The following PRMT8 variants were observed in gnomAD, a reference collection of about 807,000 sequenced individuals.
The protein encoded by PRMT8 is protein arginine N-methyltransferase 8.
PRMT8 carries 7 observed loss-of-function variants against 47.1 expected under a neutral mutation model. The ratio of observed to expected loss-of-function variants is 0.15; its 90% confidence interval spans 0.08 to 0.28. PRMT8 has a LOEUF of 0.28. Ranked by LOEUF, PRMT8 falls within the 10% of genes least tolerant of loss-of-function variation. The probability of loss-of-function intolerance (pLI) is 1.00; values close to 1 mark genes in which losing one functional copy is unlikely to be tolerated. For synonymous variants in PRMT8, 188 were observed against 186.5 expected, an observed-to-expected ratio of 1.01 and a Z score of -0.07; for missense variants, 237 against 505.4, an observed-to-expected ratio of 0.47 and a Z score of 5.09.
chr12:3,429,086 G>A (rs1413194553), intron 1 of PRMT8, among the ~76,000 whole-genome samples: 3 of 151,798 alleles, frequency 2.0e-5, no homozygotes, highest in Admixed American at 2.0e-4. Context: ...GTCTCTGCTG[G>A]TCTTTCCTTG....
intron 1 of PRMT8, among the ~76,000 whole-genome samples, chr12:3,404,874 A>G (rs1864356583): frequency 6.6e-6 from 1 of 152,188 alleles, no homozygotes. Flanking sequence ...TGAATTGACC[A>G]CTTTATGATT....
intron 1 of PRMT8, among the ~76,000 whole-genome samples, chr12:3,504,996 C>G (rs867278105): frequency 3.2e-5 from 4 of 123,568 alleles, no homozygotes; most frequent in South Asian, 3.2e-4. Context: ...TTCTTTGACT[C>G]GGAAAGGGAA....
At chr12:3,397,224 C>T (rs1864259808) in intron 1 of PRMT8, among the ~76,000 whole-genome samples, 1 of 151,980 alleles carries the variant, frequency 6.6e-6, no homozygotes, top group Non-Finnish European at 1.5e-5. Context: ...CAAAGTCATT[C>T]TCCGTCCAGC....
intron 1 of PRMT8, among the ~76,000 whole-genome samples, chr12:3,465,129 A>ATAT (rs71061116): frequency 0.013 from 724 of 55,320 alleles, 5 homozygotes; most frequent in Admixed American, 0.017. Context: ...TCTCAAAAAA[A>ATAT]ATATATATAT....
intron 2 of PRMT8, among the ~76,000 whole-genome samples, chr12:3,543,834 G>A (rs149038220): frequency 1.1e-3 from 163 of 152,324 alleles, no homozygotes; most frequent in Admixed American, 2.5e-3. Flanking sequence ...GAAGATGTGT[G>A]CTTCCTGAGG....
At chr12:3,553,967 A>G (rs960732188) in intron 4 of PRMT8, among the ~76,000 whole-genome samples, 1 of 152,180 alleles carries the variant, frequency 6.6e-6, no homozygotes, top group Non-Finnish European at 1.5e-5. Flanking sequence ...CCGAGTTGCC[A>G]GACCCTTTGC....
At chr12:3,455,194 C>G (rs972921168) in intron 1 of PRMT8, among the ~76,000 whole-genome samples, 1 of 152,164 alleles carries the variant, frequency 6.6e-6, no homozygotes, top group African/African-American at 2.4e-5. Flanking sequence ...GTGCGGTGGG[C>G]ATAACTGGTC....
At chr12:3,400,376 A>C (rs1229912574) in intron 1 of PRMT8, among the ~76,000 whole-genome samples, 1 of 152,204 alleles carries the variant, frequency 6.6e-6, no homozygotes, top group Non-Finnish European at 1.5e-5. Flanking sequence ...AGAAAATATA[A>C]ATACCTCTAT....
intron 1 of PRMT8, among the ~76,000 whole-genome samples, chr12:3,397,562 G>T: frequency 1.3e-5 from 2 of 151,520 alleles, no homozygotes; most frequent in Non-Finnish European, 2.9e-5. Flanking sequence ...GAGGCAGTCT[G>T]CCCGTTCTCA....
At chr12:3,425,744 C>G (rs752375168) in intron 1 of PRMT8, among the ~76,000 whole-genome samples, 2 of 152,266 alleles carry the variant, frequency 1.3e-5, no homozygotes, top group African/African-American at 4.8e-5. Flanking sequence ...TCTCGCTTTA[C>G]AGTGTCTTGT....
At chr12:3,524,532 C>T (rs1329869952) in intron 1 of PRMT8, among the ~76,000 whole-genome samples, 1 of 150,630 alleles carries the variant, frequency 6.6e-6, no homozygotes, top group African/African-American at 2.4e-5. Flanking sequence ...TTTGTGGGTT[C>T]TTATCAGCCT....
At chr12:3,446,583 C>T (rs780266831) in intron 1 of PRMT8, among the ~76,000 whole-genome samples, 9 of 152,194 alleles carry the variant, frequency 5.9e-5, no homozygotes, top group Non-Finnish European at 1.2e-4. Flanking sequence ...GACTTTCCAT[C>T]AGACTTCTAT....
intron 1 of PRMT8, among the ~76,000 whole-genome samples, chr12:3,464,793 CATTCGCAT>C (rs1371546927): frequency 6.6e-6 from 1 of 152,114 alleles, no homozygotes; most frequent in Non-Finnish European, 1.5e-5. Flanking sequence ...TTCAATCTTT[CATTCGCAT>C]AAACAGACCT....
chr12:3,592,453 C>T, intron 9 of PRMT8, 101 bp downstream of exon 9: 1 of 1,315,020 alleles, frequency 7.6e-7, no homozygotes, highest in Non-Finnish European at 1.0e-6. Flanking sequence ...CATGAACAGT[C>T]AGAAACTTAC....
chr12:3,401,254 G>C (rs1864313488), intron 1 of PRMT8, among the ~76,000 whole-genome samples: 1 of 150,120 alleles, frequency 6.7e-6, no homozygotes, highest in Non-Finnish European at 1.5e-5. Context: ...ATGCAGAAAA[G>C]TCCTTTGATA....
rs558540174 is a variant in PRMT8, at chr12:3,572,834, G to A, written c.712+3270G>A. Among the ~76,000 whole-genome samples, 4 of 152,322 alleles carry A rather than the reference G, an allele frequency of 2.6e-5. No individual in the cohort carries two copies. The East Asian group carries it at 7.7e-4, about 29-fold the overall frequency. ...TGGTTGGGGCTGGGGTGGTGAGGGA[G>A]GATGTAGCTACAGCTCTCTGCAATC... On this transcript the variant is annotated intron_variant, in intron 6 of 9. Transcript: ENST00000382622. The surrounding 1 kb of genome is among the most constrained non-coding windows in gnomAD (Gnocchi z 5.9).
At chr12:3,491,159 C>A, upstream of PRMT8, 1 of 986,744 alleles carries the variant, frequency 1.0e-6, no homozygotes. Context: ...CCCGCCCCCA[C>A]TCACCCGGCT....
chr12:3,480,997 C>G (rs1055919100), intron 1 of PRMT8, among the ~76,000 whole-genome samples: 14 of 152,158 alleles, frequency 9.2e-5, no homozygotes, highest in Non-Finnish European at 5.9e-5. Flanking sequence ...GAGGAGGGGC[C>G]AGGACAGGGA....
intron 9 of PRMT8, 116 bp downstream of exon 9, chr12:3,592,468 G>A: frequency 8.5e-7 from 1 of 1,179,382 alleles, no homozygotes; most frequent in Non-Finnish European, 1.2e-6. Context: ...ACTTACTGAG[G>A]CAGGCAGTCG....
Sources: gnomAD v4.1 joint callset for allele counts (sites outside exome capture counted in the v4.1 genomes callset) on GRCh38, gnomAD v4.1.1 for gene constraint, Gnocchi (gnomAD v3.1) non-coding constraint, MANE v1.5 for transcripts, NCBI Gene and HGNC (gene_info 2026-07-23, HGNC 2026-07-21) for gene names.